The following TMEM160 variants were observed in gnomAD, a reference collection of about 807,000 sequenced individuals.
TMEM160 encodes the protein transmembrane protein 160.
Under a neutral mutation model 13.9 loss-of-function variants are expected in TMEM160, and 10 were observed. The observed-to-expected ratio is 0.72, with a 90% CI of 0.45 to 1.22. The LOEUF is 1.22. TMEM160 is among the 50% of genes most tolerant of loss of function. TMEM160 has a pLI of 0.00. For missense variants in TMEM160, 287 were observed against 283.2 expected (o/e 1.01, Z -0.10); for synonymous variants, 159 against 134.8 (o/e 1.18, Z -1.25).
chr19:47,046,372 G>C, intron 2 of TMEM160, 120 bp from the exon 3 acceptor site: 1 of 1,273,758 alleles, frequency 7.9e-7, no homozygotes, highest in Non-Finnish European at 1.1e-6. Flanking sequence ...GCATCTTTGA[G>C]AATCAGATCG....
intron 1 of TMEM160, chr19:47,047,467 A>C: frequency 1.0e-5 from 10 of 984,536 alleles, no homozygotes; most frequent in Non-Finnish European, 1.2e-5. Context: ...AATCCCATCC[A>C]TGTCCTACCG....
chr19:47,047,480 T>C (rs952393852), intron 1 of TMEM160: 16 of 985,180 alleles, frequency 1.6e-5, no homozygotes, highest in Non-Finnish European at 1.6e-5. Context: ...TCCTACCGAG[T>C]ATGGCCTGGG....
rs1450943811 is a variant in TMEM160 at position 47,046,222 on chromosome 19, A to G, written c.332T>C (p.Val111Ala). The G allele has an allele frequency of 5.2e-6, 8 of 1,536,500 alleles. No homozygotes were observed. The highest frequency in any genetic ancestry group is 1.4e-5 in the African/African-American group (1 of 73,044). The change falls in exon 3 of 3, where the codon GTG becomes GCG. Residue 111 changes from valine (V) to alanine (A), a missense_variant. By Grantham distance (64) the Val-to-Ala change is moderately conservative (BLOSUM62 0). Transcript: ENST00000253047. ...GFFLLGGLCV[V>A]WGSASYAVGL... ...CACGGCGTACGAGGCGCTGCCCCAC[A>G]CCACGCACAGGCCGCCCAGCAGGAA...
intron 1 of TMEM160, 57 bp from the exon 2 acceptor site, chr19:47,046,742 C>T: frequency 7.6e-7 from 1 of 1,308,470 alleles, no homozygotes; most frequent in Non-Finnish European, 1.1e-6. Context: ...CCTCCTCAAT[C>T]CCCCTTACCC....
In TMEM160 at chr19:47,048,517, G is replaced by A; in HGVS notation, c.98C>T (p.Ala33Val). ...LPPQRPRSGGARGSFAPGHGP... is the reference protein window; with the variant it reads ...LPPQRPRSGGVRGSFAPGHGP... ...GTGGCCGGGGGCGAAGGACCCCCGGGCGCCCCCGCTCCGGGGCCGCTGAGG... is the reference window on the plus strand; with the variant it reads ...GTGGCCGGGGGCGAAGGACCCCCGGACGCCCCCGCTCCGGGGCCGCTGAGG... The change falls in exon 1 of 3, where the codon GCC becomes GTC. Residue 33 changes from alanine (A) to valine (V), a missense_variant. Ala to Val is a moderately conservative substitution (Grantham distance 64). Coordinates refer to ENST00000253047, the MANE Select transcript of TMEM160 (RefSeq NM_017854.2). 4.1e-6 allele frequency: 6 copies of A among 1,471,078 alleles called. No homozygotes were observed. The highest frequency in any genetic ancestry group is 4.5e-6 in the Non-Finnish European group (5 of 1,119,558). 91.1% of individuals were successfully genotyped at this position (1,471,078 alleles called of 1,614,324 possible).
At chr19:47,046,549 G>T (rs1377754016) in intron 2 of TMEM160, 44 bp downstream of exon 2, 1 of 1,515,724 alleles carries the variant, frequency 6.6e-7, no homozygotes, top group Non-Finnish European at 9.1e-7. Context: ...TAGGGGCTCT[G>T]CATTCCCTGG....
intron 1 of TMEM160, chr19:47,047,808 T>C: frequency 1.2e-6 from 1 of 830,790 alleles, no homozygotes; most frequent in Non-Finnish European, 1.5e-6. Flanking sequence ...ATTGCGCCAC[T>C]GCGGTCCAGC....
At chr19:47,048,014 T>C (rs557683748) in intron 1 of TMEM160, among the ~76,000 whole-genome samples, 8 of 151,980 alleles carry the variant, frequency 5.3e-5, no homozygotes, top group African/African-American at 1.9e-4. Flanking sequence ...CTTCCCCCTC[T>C]TCTGCGGGGA....
Position 47,046,137 on chromosome 19 carries a change from C to G in TMEM160, c.417G>C (p.Ala139=). The change falls in exon 3 of 3, where the codon GCG becomes GCC. Residue 139 remains alanine, a synonymous_variant. Coordinates refer to ENST00000253047, the MANE Select transcript of TMEM160 (RefSeq NM_017854.2). ...QLTLGGAAVG[A]GAVLAASLLW... is the part of the protein sequence containing the mutation. Reference sequence around the variant, plus strand: ...GCAGGCTGGCGGCCAGCACGGCGCCCGCGCCCACGGCCGCGCCCCCCAGCG... The same window carrying G: ...GCAGGCTGGCGGCCAGCACGGCGCCGGCGCCCACGGCCGCGCCCCCCAGCG... 1 of 1,478,418 alleles carries G rather than the reference C, an allele frequency of 6.8e-7. No individual in the cohort carries two copies. The highest frequency in any genetic ancestry group is 2.0e-4 in the Middle Eastern group (1 of 5,032). 91.6% of individuals were successfully genotyped at this position (1,478,418 alleles called of 1,614,324 possible). A position where few individuals can be genotyped will look rare whatever the true frequency, so the allele number is the denominator to read the frequency against.
Position 47,046,261 on chromosome 19 carries a change from G to A in TMEM160, c.302-9C>T. On this transcript the variant is annotated splice_polypyrimidine_tract_variant and intron_variant, in intron 2 of 2. Coordinates refer to ENST00000253047, the MANE Select transcript of TMEM160 (RefSeq NM_017854.2). Reference sequence around the variant, plus strand: ...GCCCAGCAGGAAGAAGCCTGCGGGAGAGGCAGGGTAGCAACAGGGCCAAGG... The same window carrying A: ...GCCCAGCAGGAAGAAGCCTGCGGGAAAGGCAGGGTAGCAACAGGGCCAAGG... The A allele has an allele frequency of 1.3e-6, 2 of 1,533,160 alleles. No individual in the cohort carries two copies. The highest frequency in any genetic ancestry group is 2.0e-5 in the Admixed American group (1 of 49,612). 95.0% of individuals were successfully genotyped at this position (1,533,160 alleles called of 1,614,324 possible).
In TMEM160 at chr19:47,046,199, CGGCGTACGA is replaced by C; in HGVS notation, c.346_354del (p.Ser116_Ala118del). ...GGTCCTCGCAGCGCCGCCAGGCCCACGGCGTACGAGGCGCTGCCCCACACCACGCACAGG... is the reference window on the plus strand; with the variant it reads ...GGTCCTCGCAGCGCCGCCAGGCCCACGGCGCTGCCCCACACCACGCACAGG... On this transcript the variant is annotated inframe_deletion, in exon 3 of 3. Coordinates refer to ENST00000253047, the MANE Select transcript of TMEM160 (RefSeq NM_017854.2). 1 of 1,526,822 alleles carries C rather than the reference CGGCGTACGA, an allele frequency of 6.5e-7. No individual in the cohort carries two copies. Among genetic ancestry groups the C allele is most frequent in the Non-Finnish European group, 8.7e-7 (1 of 1,143,728 alleles). The allele number at this position is 1,526,822 out of a possible 1,614,324, so 94.6% of individuals were successfully genotyped here.
At chr19:47,048,240 GC>G (rs1432102259) in intron 1 of TMEM160, among the ~76,000 whole-genome samples, 166 bp downstream of exon 1, 1 of 152,072 alleles carries the variant, frequency 6.6e-6, no homozygotes, top group Non-Finnish European at 1.5e-5. Context: ...CATCCCCTCT[GC>G]GGGCACCTGC....
chr19:47,047,930 C>T, intron 1 of TMEM160: 1 of 985,304 alleles, frequency 1.0e-6, no homozygotes, highest in Non-Finnish European at 1.2e-6. Context: ...CCGCCCTCTG[C>T]AGCCTAGATC....
At chr19:47,047,803 G>A (rs952519624) in intron 1 of TMEM160, 1 of 778,076 alleles carries the variant, frequency 1.3e-6, no homozygotes, top group Middle Eastern at 6.6e-4. Context: ...CTACGATTGC[G>A]CCACTGCGGT....
chr19:47,046,719 AC>A, intron 1 of TMEM160, 34 bp from the exon 2 acceptor site: 3 of 1,432,336 alleles, frequency 2.1e-6, no homozygotes, highest in Non-Finnish European at 9.8e-7. Flanking sequence ...GATTAACATC[AC>A]CCCCAACCCT....
rs1277442972 is a variant in TMEM160 at position 47,046,574 on chromosome 19, A to G, written c.301+19T>C. 7 of 1,587,282 alleles carry G rather than the reference A, an allele frequency of 4.4e-6. No individual in the cohort carries two copies. The highest frequency in any genetic ancestry group is 4.5e-5 in the East Asian group (2 of 44,594). On this transcript the variant is annotated intron_variant, in intron 2 of 2. Coordinates refer to ENST00000253047, the MANE Select transcript of TMEM160 (RefSeq NM_017854.2). ...GCATTCCCTGGTTCCGTGGGGCGAG[A>G]GGGGGGGTCTGCACTCACCATATGC...
At chr19:47,046,302 G>A in intron 2 of TMEM160, 50 bp from the exon 3 acceptor site, 3 of 1,502,764 alleles carry the variant, frequency 2.0e-6, no homozygotes, top group South Asian at 2.5e-5. Flanking sequence ...GGATGGTCTG[G>A]GAGCAAAGCC....
intron 1 of TMEM160, among the ~76,000 whole-genome samples, chr19:47,046,894 C>T (rs1370554179): frequency 6.6e-6 from 1 of 152,150 alleles, no homozygotes; most frequent in Admixed American, 6.5e-5. Context: ...CCTCAGTGCC[C>T]CTCTCCCCCA....
In TMEM160 at chr19:47,048,491, C is replaced by T. The variant is rs912627975; in HGVS notation, c.124G>A (p.Gly42Ser). 17 of 1,422,980 alleles carry T rather than the reference C, an allele frequency of 1.2e-5. No homozygotes were observed. The Admixed American group carries it at 1.3e-4, about 11-fold the overall frequency. 88.1% of individuals were successfully genotyped at this position (1,422,980 alleles called of 1,614,324 possible). A position where few individuals can be genotyped will look rare whatever the true frequency, so the allele number is the denominator to read the frequency against. Residue 42 changes from glycine (G) to serine (S), a missense_variant, in exon 1 of 3, where the codon GGT becomes AGT. Transcript: ENST00000253047. ...GGCGGCGAAGCCCCGGCGCGGGGACCGTGGCCGGGGGCGAAGGACCCCCGG... is the reference window on the plus strand; with the variant it reads ...GGCGGCGAAGCCCCGGCGCGGGGACTGTGGCCGGGGGCGAAGGACCCCCGG... ...GARGSFAPGH[G>S]PRAGASPPPV... is the part of the protein sequence containing the mutation.
Sources: gnomAD v4.1 joint callset for allele counts (sites outside exome capture counted in the v4.1 genomes callset) on GRCh38, gnomAD v4.1.1 for gene constraint, MANE v1.5 for transcripts, NCBI Gene and HGNC (gene_info 2026-07-23, HGNC 2026-07-21) for gene names.